NINL: variants seen among roughly 807,000 people sequenced by gnomAD.
NINL encodes ninein-like protein.
Under a neutral mutation model 160.3 loss-of-function variants are expected in NINL, and 153 were observed. That is an observed-to-expected ratio of 0.95 (90% CI 0.84 to 1.09). The LOEUF (loss-of-function observed/expected upper bound fraction) is 1.09. Ranked by LOEUF, NINL falls within the 50% of genes least tolerant of loss-of-function variation. The pLI, the probability that NINL is intolerant of heterozygous loss-of-function variation, is 0.00. For missense variants in NINL, 1,829 were observed against 1,764.0 expected, an observed-to-expected ratio of 1.04 and a Z score of -0.66; for synonymous variants, 800 against 734.8, an observed-to-expected ratio of 1.09 and a Z score of -1.43.
intron 1 of NINL, among the ~76,000 whole-genome samples, chr20:25,555,606 C>T (rs968405557): frequency 2.6e-5 from 4 of 152,214 alleles, no homozygotes; most frequent in Middle Eastern, 3.2e-3. Context: ...TGGCTTCTGC[C>T]TGTAATCCCA....
Position 25,505,065 on chromosome 20 carries a change from G to C in NINL, c.531C>G (p.Thr177=). Reference sequence around the variant, plus strand: ...GGCTCCCAAAGTCCTCAGAATCCCAGGTCTGCAGCTGTCCTGAAGCAAGGG... The same window carrying C: ...GGCTCCCAAAGTCCTCAGAATCCCACGTCTGCAGCTGTCCTGAAGCAAGGG... ...ELFEAQGQLQ[T]WDSEDFGSPQ... Residue 177 remains threonine, a synonymous_variant, in exon 6 of 24, where the codon ACC becomes ACG. Transcript: ENST00000278886. 1 of 1,594,408 alleles carries C rather than the reference G, an allele frequency of 6.3e-7. No homozygotes were observed. The highest frequency in any genetic ancestry group is 8.6e-7 in the Non-Finnish European group (1 of 1,169,476).
rs758230029 is a variant in NINL, at chr20:25,479,226, C to G, written c.1918-20G>C. 1.3e-6 allele frequency: 2 copies of G among 1,584,252 alleles called. No individual in the cohort carries two copies. The highest frequency in any genetic ancestry group is 1.7e-6 in the Non-Finnish European group (2 of 1,163,168). On this transcript the variant is annotated intron_variant, in intron 15 of 23. Coordinates refer to ENST00000278886, the MANE Select transcript of NINL (RefSeq NM_025176.6). ...ATTTACCTAAAACGAGAAACATGAG[C>G]CCCGTGGACCAGGAGACCCTAAGAA...
At chr20:25,500,520 G>A (rs1010216669) in intron 8 of NINL, among the ~76,000 whole-genome samples, 2 of 152,174 alleles carry the variant, frequency 1.3e-5, no homozygotes, top group African/African-American at 4.8e-5. Context: ...ATCACAACAG[G>A]CAATTTCTTT....
chr20:25,535,832 T>A lies in NINL; in HGVS notation c.-11-9234A>T, dbSNP rs569287296. 3.0e-3 allele frequency among the ~76,000 whole-genome samples: 452 copies of A among 152,008 alleles called. 1 individual carries two copies. Among genetic ancestry groups the A allele is most frequent in the South Asian group, 5.6e-3 (27 of 4,810 alleles). On this transcript the variant is annotated intron_variant, in intron 1 of 23. Transcript: ENST00000278886. ...CCCGCAAAATAATCAATCCCAAATC[T>A]CTCGACATCCTTGAAAAGCCCAGAA...
At chr20:25,554,636 C>CAAAAAAAAAAAAA (rs747557892) in intron 1 of NINL, among the ~76,000 whole-genome samples, 7 of 85,776 alleles carry the variant, frequency 8.2e-5, no homozygotes, top group African/African-American at 4.1e-4. Flanking sequence ...AAAAAAAAAA[C>CAAAAAAAAAAAAA]AAAAAAAAAA....
chr20:25,511,877 T>A (rs1274362684), intron 4 of NINL, among the ~76,000 whole-genome samples: 1 of 152,218 alleles, frequency 6.6e-6, no homozygotes, highest in Non-Finnish European at 1.5e-5. Context: ...CAAGTCCACC[T>A]GGGGGCCCGA....
intron 1 of NINL, among the ~76,000 whole-genome samples, chr20:25,530,020 T>C (rs1027025184): frequency 6.6e-6 from 1 of 152,218 alleles, no homozygotes; most frequent in Admixed American, 6.5e-5. Flanking sequence ...CTTTCCCGTG[T>C]CTCCAAGAAT....
chr20:25,550,954 G>C (rs186734616), intron 1 of NINL, among the ~76,000 whole-genome samples: 2 of 152,010 alleles, frequency 1.3e-5, no homozygotes, highest in African/African-American at 2.4e-5. Context: ...CCTTTCCCAC[G>C]AGGCCATATC....
intron 13 of NINL, among the ~76,000 whole-genome samples, chr20:25,483,184 A>G (rs1035199787): frequency 6.6e-6 from 1 of 150,780 alleles, no homozygotes; most frequent in Admixed American, 6.6e-5. Flanking sequence ...AAATACAAAA[A>G]CTAGCCAGGC....
chr20:25,538,315 A>G lies in NINL; in HGVS notation c.-11-11717T>C, dbSNP rs150174466. Among the ~76,000 whole-genome samples the G allele has an allele frequency of 2.6e-3, 391 of 152,312 alleles. 1 individual carries two copies. The highest frequency in any genetic ancestry group is 9.2e-3 in the African/African-American group (382 of 41,572). On this transcript the variant is annotated intron_variant, in intron 1 of 23. Coordinates refer to ENST00000278886, the MANE Select transcript of NINL (RefSeq NM_025176.6). ...CACCTCTGCTGTGGCCTGTGGTCCT[A>G]TGAAAAGGCCTTGCTCCTGGGCAGT...
At chr20:25,538,012 C>T (rs2064591099) in intron 1 of NINL, among the ~76,000 whole-genome samples, 1 of 152,202 alleles carries the variant, frequency 6.6e-6, no homozygotes, top group South Asian at 2.1e-4. Flanking sequence ...CGGTGCCCTG[C>T]CCAGGCTGGG....
intron 1 of NINL, among the ~76,000 whole-genome samples, chr20:25,554,393 C>T (rs192239264): frequency 7.9e-5 from 12 of 152,176 alleles, no homozygotes; most frequent in Admixed American, 7.2e-4. Context: ...CTTTCTGCCA[C>T]CTGGAAGGGT....
intron 2 of NINL, among the ~76,000 whole-genome samples, chr20:25,524,485 G>A (rs970452617): frequency 6.6e-6 from 1 of 152,144 alleles, no homozygotes; most frequent in African/African-American, 2.4e-5. Context: ...GTCAGAAAGG[G>A]CCCGGCTCCT....
At chr20:25,491,989 C>A (rs1393821326) in intron 10 of NINL, among the ~76,000 whole-genome samples, 1 of 152,218 alleles carries the variant, frequency 6.6e-6, no homozygotes, top group Non-Finnish European at 1.5e-5. Flanking sequence ...TTTTTCTCAG[C>A]TGCTACATTC....
intron 14 of NINL, among the ~76,000 whole-genome samples, chr20:25,481,448 T>C (rs2063386206): frequency 6.6e-6 from 1 of 152,138 alleles, no homozygotes; most frequent in African/African-American, 2.4e-5. Context: ...CCTGGGTCCT[T>C]GGAGCTTGTC....
At chr20:25,488,062 C>T in intron 13 of NINL, among the ~76,000 whole-genome samples, 1 of 152,204 alleles carries the variant, frequency 6.6e-6, no homozygotes, top group East Asian at 1.9e-4. Context: ...GGTGGTGGTC[C>T]AACCGCAGGC....
In NINL at chr20:25,476,558, G is replaced by T. The variant is rs529547390; in HGVS notation, c.2733C>A (p.Pro911=). 2.5e-6 allele frequency: 4 copies of T among 1,599,860 alleles called. No homozygotes were observed. The Admixed American group carries it at 6.7e-5, about 27-fold the overall frequency. The change falls in exon 17 of 24, where the codon CCC becomes CCA. Residue 911 remains proline, a synonymous_variant. Coordinates refer to ENST00000278886, the MANE Select transcript of NINL (RefSeq NM_025176.6). ...GPSERWSRMQ[P]CGVDGDIVPK... is the part of the protein sequence containing the mutation. ...GGACAATATCCCCATCCACTCCACA[G>T]GGCTGCATGCGTGACCACCTCTCTG...
intron 1 of NINL, among the ~76,000 whole-genome samples, chr20:25,570,572 C>A (rs2065042328): frequency 2.0e-5 from 3 of 152,060 alleles, no homozygotes; most frequent in African/African-American, 7.2e-5. Flanking sequence ...GCCAATTAAA[C>A]CTCTCTTCTT....
At chr20:25,555,455 C>T (rs562586075) in intron 1 of NINL, among the ~76,000 whole-genome samples, 9 of 152,224 alleles carry the variant, frequency 5.9e-5, no homozygotes, top group Middle Eastern at 3.4e-3. Flanking sequence ...ATTTACTCTA[C>T]GTAAAATTTG....
Sources: gnomAD v4.1 joint callset for allele counts (sites outside exome capture counted in the v4.1 genomes callset) on GRCh38, gnomAD v4.1.1 for gene constraint, MANE v1.5 for transcripts, NCBI Gene and HGNC (gene_info 2026-07-23, HGNC 2026-07-21) for gene names.